Variants in COL6A5 observed in about 807,000 individuals in gnomAD.
COL6A5 encodes the protein collagen type VI alpha 5 chain, also known as collagen alpha-5(VI) chain.
COL6A5 carries 48 observed loss-of-function variants against 65.6 expected under a neutral mutation model. The observed-to-expected ratio is 0.73, with a 90% CI of 0.58 to 0.93. The LOEUF (loss-of-function observed/expected upper bound fraction) is 0.93. Ranked by LOEUF, COL6A5 falls within the 40% of genes least tolerant of loss-of-function variation. The probability of loss-of-function intolerance (pLI) is 0.00; values close to 1 mark genes in which losing one functional copy is unlikely to be tolerated. For missense variants in COL6A5, 914 were observed against 928.3 expected (o/e 0.98, Z 0.20); for synonymous variants, 291 against 322.8 (o/e 0.90, Z 1.05).
chr3:130,483,940 G>T, intron 7 of COL6A5, 95 bp from the exon 41 acceptor site: 1 of 1,055,782 alleles, frequency 9.5e-7, no homozygotes, highest in Non-Finnish European at 1.4e-6. Flanking sequence ...TATTGTGTTT[G>T]TTTTATATGT....
chr3:130,393,317 T>C (rs1202590464), intron 7 of COL6A5, among the ~76,000 whole-genome samples: 1 of 152,094 alleles, frequency 6.6e-6, no homozygotes. Flanking sequence ...CACTTTTCTG[T>C]CAAATTTCAG....
At chr3:130,346,100 A>G (rs1934464696) in intron 1 of COL6A5, 119 bp downstream of exon 1, 1 of 397,652 alleles carries the variant, frequency 2.5e-6, no homozygotes, top group African/African-American at 2.1e-5. Context: ...GACGCCCCCA[A>G]ATCTGAGCTC....
At chr3:130,449,978 A>C (rs915246928) in intron 4 of COL6A5, among the ~76,000 whole-genome samples, 5 of 152,134 alleles carry the variant, frequency 3.3e-5, no homozygotes, top group African/African-American at 1.2e-4. Context: ...AATCAAAGGC[A>C]AAGAATCAGG....
intron 27 of COL6A5, 64 bp downstream of exon 27, chr3:130,421,424 A>C: frequency 6.9e-7 from 1 of 1,452,052 alleles, no homozygotes; most frequent in Non-Finnish European, 9.5e-7. Context: ...AACTGAGATA[A>C]ACCTGTAGGT....
chr3:130,403,474 C>T, intron 12 of COL6A5, 135 bp from the exon 13 acceptor site: 1 of 689,622 alleles, frequency 1.5e-6, no homozygotes, highest in Non-Finnish European at 2.5e-6. Flanking sequence ...AGATTCTCCC[C>T]AAACTCACGG....
At chr3:130,378,158 G>T (rs556904257) in intron 3 of COL6A5, among the ~76,000 whole-genome samples, 2 of 152,126 alleles carry the variant, frequency 1.3e-5, no homozygotes, top group East Asian at 3.9e-4. Flanking sequence ...TTCCAAATTT[G>T]TATAACCAAC....
In COL6A5 at chr3:130,421,509, T is replaced by C. The variant is rs141701782; in HGVS notation, c.5037+149T>C. 126 of 730,994 alleles carry C rather than the reference T, an allele frequency of 1.7e-4. No individual in the cohort carries two copies. In the African/African-American group the frequency reaches 2.0e-3, roughly 12 times the overall value. The allele number at this position is 730,994 out of a possible 1,614,324, so 45.3% of individuals were successfully genotyped here. A position where few individuals can be genotyped will look rare whatever the true frequency, so the allele number is the denominator to read the frequency against. ...TGGGCTTCCTGAGGAAAGAATCATA[T>C]TTAACCCCTGTGAATCTTTACATTG... On this transcript the variant is annotated intron_variant and NMD_transcript_variant, in intron 27 of 41. Coordinates refer to the COL6A5 transcript ENST00000312481.
intron 3 of COL6A5, 21 bp from the exon 4 acceptor site, chr3:130,379,397 A>AG: frequency 6.5e-7 from 1 of 1,540,188 alleles, no homozygotes; most frequent in East Asian, 2.5e-5. Flanking sequence ...ACTAATCCTC[A>AG]CACATTTTCT....
exon 1 of COL6A5, chr3:130,431,760 G>A (rs1464909929): frequency 6.4e-7 from 1 of 1,551,576 alleles, no homozygotes; most frequent in South Asian, 1.2e-5. Context: ...ATGCAATGAG[G>A]TTTGTGACCC....
chr3:130,400,396 C>A (rs1936775895), intron 10 of COL6A5, among the ~76,000 whole-genome samples: 1 of 152,140 alleles, frequency 6.6e-6, no homozygotes. Flanking sequence ...TGCTATTATA[C>A]AATGATTAAT....
intron 1 of COL6A5, among the ~76,000 whole-genome samples, chr3:130,436,555 C>T (rs1709039380): frequency 6.6e-6 from 1 of 152,126 alleles, no homozygotes; most frequent in Non-Finnish European, 1.5e-5. Context: ...CCTGATATTG[C>T]TCATGTCAAG....
At chr3:130,466,823 A>T (rs146290857) in intron 5 of COL6A5, among the ~76,000 whole-genome samples, 2 of 152,084 alleles carry the variant, frequency 1.3e-5, no homozygotes, top group African/African-American at 4.8e-5. Flanking sequence ...AATATTATGA[A>T]CAATCTTTTG....
chr3:130,406,567 T>A (rs1017472308), intron 17 of COL6A5, among the ~76,000 whole-genome samples: 5 of 152,172 alleles, frequency 3.3e-5, no homozygotes, highest in African/African-American at 1.2e-4. Flanking sequence ...ATGTTTCTCA[T>A]GTCTGAAAAT....
chr3:130,426,129 T>C, intron 29 of COL6A5, 85 bp from the exon 30 acceptor site: 1 of 1,316,024 alleles, frequency 7.6e-7, no homozygotes, highest in Admixed American at 2.1e-5. Flanking sequence ...AGAAAGAAAG[T>C]TTTTTGTTTT....
At chr3:130,436,115 C>T (rs1404445444) in intron 1 of COL6A5, among the ~76,000 whole-genome samples, 3 of 151,962 alleles carry the variant, frequency 2.0e-5, no homozygotes, top group South Asian at 4.1e-4. Flanking sequence ...CTCTATAAAT[C>T]TGATTTTTCT....
intron 1 of COL6A5, among the ~76,000 whole-genome samples, chr3:130,359,792 C>T (rs147333024): frequency 8.7e-4 from 133 of 152,142 alleles, no homozygotes; most frequent in Non-Finnish European, 1.6e-3. Flanking sequence ...TTCCTAGAGA[C>T]GGTCTGGCCT....
exon 3 of COL6A5, chr3:130,376,495 A>C (rs1935778038): frequency 6.2e-7 from 1 of 1,604,788 alleles, no homozygotes; most frequent in Non-Finnish European, 8.5e-7. Flanking sequence ...GGGTCCCTGC[A>C]GATAGGAAAG....
rs1179714088 is a variant in COL6A5, at chr3:130,418,849, C to T, written c.4888-20C>T. 1.9e-6 allele frequency: 3 copies of T among 1,547,410 alleles called. No homozygotes were observed. Among genetic ancestry groups the T allele is most frequent in the African/African-American group, 1.4e-5 (1 of 72,866 alleles). On this transcript the variant is annotated intron_variant and NMD_transcript_variant, in intron 24 of 41. Coordinates refer to the COL6A5 transcript ENST00000312481. ...GGTTTGATTTTACTGATCTGAAGCT[C>T]TTCTTGTCCCACTTACTAGGGAGAG...
At chr3:130,471,008 G>T in intron 7 of COL6A5, 41 bp downstream of exon 39, 1 of 1,383,350 alleles carries the variant, frequency 7.2e-7, no homozygotes, top group Non-Finnish European at 1.0e-6. Flanking sequence ...ACCACAACTG[G>T]AAACAGTTCT....
Sources: allele counts gnomAD v4.1 joint callset (sites outside exome capture counted in the v4.1 genomes callset), GRCh38; gene constraint gnomAD v4.1.1; transcripts MANE v1.5; gene names NCBI Gene and HGNC (gene_info 2026-07-23, HGNC 2026-07-21).